DHRS7B: variants seen among roughly 807,000 people sequenced by gnomAD.
DHRS7B encodes dehydrogenase/reductase 7B, also known as peroxisomal reductase activating PPAR-gamma.
DHRS7B carries 24 observed loss-of-function variants against 26.4 expected under a neutral mutation model. The observed-to-expected ratio is 0.91, with a 90% CI of 0.66 to 1.28. DHRS7B has a LOEUF of 1.28. Ranked by LOEUF, DHRS7B falls within the 50% of genes most tolerant of loss-of-function variation. The probability of loss-of-function intolerance (pLI) is 0.00; values close to 1 mark genes in which losing one functional copy is unlikely to be tolerated. For synonymous variants in DHRS7B, 142 were observed against 166.4 expected, an observed-to-expected ratio of 0.85 and a Z score of 1.13; for missense variants, 368 against 419.4, an observed-to-expected ratio of 0.88 and a Z score of 1.07.
chr17:21,151,438 G>A (rs1275382366), intron 1 of DHRS7B, among the ~76,000 whole-genome samples: 1 of 150,212 alleles, frequency 6.7e-6, no homozygotes, highest in African/African-American at 2.5e-5. Flanking sequence ...GCTTGAACCT[G>A]GGAGGCGGAG....
intron 1 of DHRS7B, among the ~76,000 whole-genome samples, chr17:21,170,193 A>G (rs1974207174): frequency 6.6e-6 from 1 of 152,120 alleles, no homozygotes. Flanking sequence ...TCCTTCCCCT[A>G]GGAAACCCTC....
At chr17:21,133,916 T>C (rs1973290380) in intron 1 of DHRS7B, among the ~76,000 whole-genome samples, 1 of 152,204 alleles carries the variant, frequency 6.6e-6, no homozygotes, top group Admixed American at 6.5e-5. Context: ...CTTATGTATG[T>C]AAATAGGTTG....
At chr17:21,189,826 C>T (rs1974736864) in intron 6 of DHRS7B, among the ~76,000 whole-genome samples, 1 of 152,234 alleles carries the variant, frequency 6.6e-6, no homozygotes, top group African/African-American at 2.4e-5. Flanking sequence ...AACAAAAACA[C>T]AGAACAGACA....
intron 1 of DHRS7B, among the ~76,000 whole-genome samples, chr17:21,138,101 T>TATATATACACACAC (rs1555536219): frequency 4.6e-5 from 4 of 86,112 alleles, no homozygotes; most frequent in African/African-American, 2.3e-4. Context: ...TATATATATA[T>TATATATACACACAC]ACACACACAC....
chr17:21,187,224 A>G (rs7221808), intron 5 of DHRS7B, among the ~76,000 whole-genome samples: 129,422 of 151,474 alleles, frequency 0.85, 55,485 homozygotes, highest in Middle Eastern at 0.88. Context: ...GGGAGGGTGA[A>G]GTGGGAGGAT....
chr17:21,180,721 G>A (rs1349162546), intron 3 of DHRS7B, among the ~76,000 whole-genome samples: 1 of 152,168 alleles, frequency 6.6e-6, no homozygotes, highest in African/African-American at 2.4e-5. Context: ...GACCCATACT[G>A]TTTTAATTGC....
intron 2 of DHRS7B, among the ~76,000 whole-genome samples, chr17:21,175,956 A>G (rs1428601515): frequency 1.3e-5 from 2 of 150,732 alleles, no homozygotes; most frequent in African/African-American, 2.4e-5. Context: ...GTAAAAAACT[A>G]TGTTTCAGTT....
intron 1 of DHRS7B, among the ~76,000 whole-genome samples, chr17:21,138,066 T>TAA (rs1555536184): frequency 0.078 from 2,757 of 35,208 alleles, 128 homozygotes; most frequent in East Asian, 0.11. Flanking sequence ...CGGCCTCTTT[T>TAA]AAAAAAAAAA....
At chr17:21,182,273 G>T (rs1165714016) in intron 3 of DHRS7B, among the ~76,000 whole-genome samples, 3 of 152,066 alleles carry the variant, frequency 2.0e-5, no homozygotes, top group Non-Finnish European at 4.4e-5. Flanking sequence ...TTGAGAAGGA[G>T]TTTTTGCTCT....
rs143480707 is a variant in DHRS7B at position 21,173,246 on chromosome 17, G to A, written c.199+1050G>A. Among the ~76,000 whole-genome samples the A allele has an allele frequency of 2.2e-3, 339 of 152,374 alleles. 1 individual carries two copies. The highest frequency in any genetic ancestry group is 7.6e-3 in the African/African-American group (317 of 41,594). ...ACATATGCTCTCAAACCAGCCTGGT[G>A]GCAACAAGGCACATGTATATGTGCT... On this transcript the variant is annotated intron_variant, in intron 2 of 6. Transcript: ENST00000395511.
chr17:21,137,584 A>T (rs1973375321), intron 1 of DHRS7B, among the ~76,000 whole-genome samples: 1 of 151,678 alleles, frequency 6.6e-6, no homozygotes. Context: ...GAGCCTCCCA[A>T]GTAGCTGGGA....
chr17:21,160,298 A>G (rs1973973326), intron 1 of DHRS7B, among the ~76,000 whole-genome samples: 1 of 152,206 alleles, frequency 6.6e-6, no homozygotes, highest in Non-Finnish European at 1.5e-5. Flanking sequence ...CGGAGGTTGC[A>G]GTGATCCAAG....
intron 1 of DHRS7B, chr17:21,128,972 A>G (rs931427413): frequency 3.3e-5 from 5 of 152,140 alleles, no homozygotes; most frequent in African/African-American, 1.2e-4. Context: ...GGCCGATCCA[A>G]TGCCATGTCA....
intron 1 of DHRS7B, among the ~76,000 whole-genome samples, chr17:21,151,270 G>A (rs1163677893): frequency 6.6e-6 from 1 of 152,134 alleles, no homozygotes; most frequent in African/African-American, 2.4e-5. Context: ...ACTTTGGGAG[G>A]CCTAGGCAGG....
At chr17:21,170,177 T>A (rs1974206601) in intron 1 of DHRS7B, among the ~76,000 whole-genome samples, 1 of 152,206 alleles carries the variant, frequency 6.6e-6, no homozygotes. Flanking sequence ...TCCCACTGTT[T>A]ATCCCTCCTT....
At chr17:21,180,073 CTTTTTTTTTT>C (rs59348588) in intron 3 of DHRS7B, among the ~76,000 whole-genome samples, 3 of 121,922 alleles carry the variant, frequency 2.5e-5, no homozygotes, top group African/African-American at 9.6e-5. Context: ...AGCCCACTTT[CTTTTTTTTTT>C]TTTTTTTTTG....
At position 21,178,310 on chromosome 17, in the gene DHRS7B, A is replaced by G; in HGVS notation, c.277A>G (p.Ile93Val). 6.2e-7 allele frequency: 1 copy of G among 1,614,164 alleles called. No homozygotes were observed. The highest frequency in any genetic ancestry group is 1.1e-5 in the South Asian group (1 of 91,088). Residue 93 changes from isoleucine (I) to valine (V), a missense_variant, in exon 3 of 7, where the codon ATC becomes GTC. By Grantham distance (29) the Ile-to-Val change is conservative. Transcript: ENST00000395511. ...GRNGGALEEL[I>V]RELTASHATK... ...GAATGGTGGGGCCCTAGAAGAGCTC[A>G]TCAGAGAACTCACCGCTTCTCATGC...
intron 3 of DHRS7B, among the ~76,000 whole-genome samples, chr17:21,180,899 C>T (rs1260075464): frequency 6.6e-6 from 1 of 152,144 alleles, no homozygotes; most frequent in Non-Finnish European, 1.5e-5. Flanking sequence ...TTGGGGAGTA[C>T]TCTCACATCA....
In DHRS7B at chr17:21,137,576, GC is replaced by G. The variant is rs1436938903; in HGVS notation, c.20+10587del. ...GGGTTCAAGTGATTCTCCTGCCTGA[GC>G]CTCCCAAGTAGCTGGGATTAGAGGC... On this transcript the variant is annotated intron_variant, in intron 1 of 6. Transcript: ENST00000395511. 2.0e-5 allele frequency among the ~76,000 whole-genome samples: 3 copies of G among 151,948 alleles called. No individual in the cohort carries two copies. In the East Asian group the frequency reaches 5.8e-4, roughly 30 times the overall value.
Sources: gnomAD v4.1 joint callset for allele counts (sites outside exome capture counted in the v4.1 genomes callset) on GRCh38, gnomAD v4.1.1 for gene constraint, MANE v1.5 for transcripts, NCBI Gene and HGNC (gene_info 2026-07-23, HGNC 2026-07-21) for gene names.